Variants in GPR155 observed in about 807,000 individuals in gnomAD.
The protein encoded by GPR155 is G protein-coupled receptor 155.
In GPR155, 65 loss-of-function variants were observed where a neutral mutation model predicts 93.1. The observed-to-expected ratio is 0.70, with a 90% confidence interval of 0.57 to 0.86. The LOEUF (loss-of-function observed/expected upper bound fraction) is 0.86. Ranked by LOEUF, GPR155 falls within the 40% of genes least tolerant of loss-of-function variation. The pLI is 0.00. For synonymous variants in GPR155, 319 were observed against 360.1 expected (o/e 0.89, Z 1.29); for missense variants, 838 against 1,034.8 (o/e 0.81, Z 2.61).
chr2:174,463,118 T>C (rs1317253641), intron 7 of GPR155, among the ~76,000 whole-genome samples: 2 of 70,920 alleles, frequency 2.8e-5, no homozygotes, highest in East Asian at 5.0e-4. Flanking sequence ...AGTCTTTTTT[T>C]TTTCTTTCTT....
intron 10 of GPR155, among the ~76,000 whole-genome samples, chr2:174,457,446 A>G (rs1392494179): frequency 6.6e-6 from 1 of 152,206 alleles, no homozygotes; most frequent in Non-Finnish European, 1.5e-5. Flanking sequence ...GCTTAGGCAA[A>G]TACTGAAGTC....
rs1553519258 is a variant in GPR155 at position 174,481,897 on chromosome 2, CAA to C, written c.58_59del (p.Leu20AlafsTer9). ...TAAATCCATGCGTTACTGCTGTAGG[CAA>C]AGTCTTGGTCATATTGACTGCAATG... ...LTIAVNMTKT[L>X]PTAVTHGFNS... On this transcript the variant is annotated frameshift_variant, in exon 2 of 16. Transcript: ENST00000392552. LOFTEE classifies it high-confidence loss of function. 2 of 1,613,936 alleles carry C rather than the reference CAA, an allele frequency of 1.2e-6. No individual in the cohort carries two copies. The highest frequency in any genetic ancestry group is 1.7e-6 in the Non-Finnish European group (2 of 1,179,996).
rs766053271 is a variant in GPR155 at position 174,473,003 on chromosome 2, C to T, written c.822G>A (p.Ser274=). The stretch of plus-strand genomic sequence containing the variant: ...TGAGAAGAATTAGTACTACAAATGC[C>T]GACTTCTTCAGTCTCTTTATTTTTC... ...MVGKIKRLKK[S]AFVVLILLIT... The change falls in exon 3 of 16, where the codon TCG becomes TCA. Residue 274 remains serine, a synonymous_variant. Transcript: ENST00000392552. 10 of 1,592,580 alleles carry T rather than the reference C, an allele frequency of 6.3e-6. No individual in the cohort carries two copies. Among genetic ancestry groups the T allele is most frequent in the African/African-American group, 2.7e-5 (2 of 73,204 alleles).
chr2:174,461,345 A>C (rs1175105467), intron 9 of GPR155, 57 bp downstream of exon 9: 2 of 1,013,840 alleles, frequency 2.0e-6, no homozygotes, highest in Non-Finnish European at 3.1e-6. Flanking sequence ...AGCAAGGCAC[A>C]TAACGAGCTA....
intron 7 of GPR155, among the ~76,000 whole-genome samples, chr2:174,465,521 G>A (rs982611658): frequency 2.0e-5 from 3 of 152,148 alleles, no homozygotes; most frequent in African/African-American, 2.4e-5. Context: ...CCAAAAGGGA[G>A]CAGCACTGAC....
intron 11 of GPR155, among the ~76,000 whole-genome samples, chr2:174,447,349 A>G (rs931359560): frequency 1.4e-5 from 2 of 147,224 alleles, no homozygotes; most frequent in South Asian, 2.1e-4. Flanking sequence ...AAAAAATTAT[A>G]TATAATTTTT....
chr2:174,472,696 TGAG>T (rs771827162), intron 3 of GPR155, among the ~76,000 whole-genome samples: 1 of 152,186 alleles, frequency 6.6e-6, no homozygotes, highest in Non-Finnish European at 1.5e-5. Context: ...AACTGGGACA[TGAG>T]GAGATACTGA....
intron 15 of GPR155, among the ~76,000 whole-genome samples, chr2:174,438,566 G>C (rs373585816): frequency 1.3e-5 from 2 of 151,924 alleles, no homozygotes; most frequent in Non-Finnish European, 1.5e-5. Context: ...AGAGTGCAGT[G>C]GCGTGATCTC....
chr2:174,465,061 T>A (rs1384325424), intron 7 of GPR155, among the ~76,000 whole-genome samples: 3 of 152,224 alleles, frequency 2.0e-5, no homozygotes, highest in Non-Finnish European at 4.4e-5. Context: ...CATACCAGAA[T>A]GCATGCATCC....
chr2:174,480,746 T>A (rs1005576870), intron 2 of GPR155, among the ~76,000 whole-genome samples: 5 of 152,008 alleles, frequency 3.3e-5, no homozygotes, highest in Admixed American at 2.0e-4. Context: ...TACATTAAAA[T>A]TTTGAATAAC....
At chr2:174,482,036 A>T in intron 1 of GPR155, 49 bp from the exon 2 acceptor site, 2 of 927,964 alleles carry the variant, frequency 2.2e-6, no homozygotes, top group Non-Finnish European at 3.3e-6. Flanking sequence ...CAAGAATTCT[A>T]GTTGAAATAA....
At chr2:174,463,131 T>C (rs914156830) in intron 7 of GPR155, among the ~76,000 whole-genome samples, 94 of 152,086 alleles carry the variant, frequency 6.2e-4, no homozygotes, top group Admixed American at 9.2e-4. Flanking sequence ...TCTTTCTTTT[T>C]TTTTTTTCAG....
chr2:174,482,046 A>G (rs1688341271), intron 1 of GPR155, 59 bp from the exon 2 acceptor site: 1 of 827,902 alleles, frequency 1.2e-6, no homozygotes. Context: ...AGTTGAAATA[A>G]TACACTGGCA....
At position 174,479,089 on chromosome 2, in the gene GPR155, T is replaced by G. The variant is rs1047541130; in HGVS notation, c.460+2408A>C. 2.0e-4 allele frequency among the ~76,000 whole-genome samples: 31 copies of G among 152,180 alleles called. 1 individual carries two copies. Among genetic ancestry groups the G allele is most frequent in the African/African-American group, 6.5e-4 (27 of 41,442 alleles). On this transcript the variant is annotated intron_variant, in intron 2 of 15. Transcript: ENST00000392552. ...AAAACAAAAACATAAAAACAAAAAT[T>G]ATACCTCGAAATCAACAAACAACCA...
intron 10 of GPR155, among the ~76,000 whole-genome samples, chr2:174,456,860 ATTG>A (rs936564102): frequency 6.6e-6 from 1 of 152,238 alleles, no homozygotes; most frequent in Non-Finnish European, 1.5e-5. Flanking sequence ...AATACTATAT[ATTG>A]TTGATGGAAA....
chr2:174,473,170 T>C lies in GPR155; in HGVS notation c.655A>G (p.Ile219Val), dbSNP rs199560893. 65 of 1,613,218 alleles carry C rather than the reference T, an allele frequency of 4.0e-5. No individual in the cohort carries two copies. The highest frequency in any genetic ancestry group is 3.3e-4 in the Middle Eastern group (2 of 6,060). Residue 219 changes from isoleucine to valine, a missense_variant, in exon 3 of 16, where the codon ATA (isoleucine) becomes GTA (valine). Coordinates refer to ENST00000392552, the MANE Select transcript of GPR155 (RefSeq NM_152529.7). ...ATGCCAATGAAGACCATAAATACTATTGGGTTCTGTAATACACGCAGGAGT... is the reference window on the plus strand; with the variant it reads ...ATGCCAATGAAGACCATAAATACTACTGGGTTCTGTAATACACGCAGGAGT... Reference protein sequence around the residue: ...LGLLRVLQNPIVFMVFIGIAF... With the variant: ...LGLLRVLQNPVVFMVFIGIAF...
intron 12 of GPR155, 29 bp downstream of exon 12, chr2:174,446,582 C>T: frequency 6.3e-7 from 1 of 1,582,678 alleles, no homozygotes; most frequent in South Asian, 1.2e-5. Context: ...AAGAAATGGC[C>T]CCAAAACAAA....
At chr2:174,446,949 T>C (rs1687150806) in intron 11 of GPR155, among the ~76,000 whole-genome samples, 1 of 152,198 alleles carries the variant, frequency 6.6e-6, no homozygotes, top group East Asian at 1.9e-4. Flanking sequence ...TCAAAAAACA[T>C]AAGTAGAATA....
At position 174,449,873 on chromosome 2, in the gene GPR155, G is replaced by C. The variant is rs1343548472; in HGVS notation, c.1877-3126C>G. Among the ~76,000 whole-genome samples, 5 of 152,200 alleles carry C rather than the reference G, an allele frequency of 3.3e-5. No homozygotes were observed. In the East Asian group the frequency reaches 9.6e-4, roughly 29 times the overall value. ...TGCCTGTAGTCCCAGCTACTCGGGA[G>C]GCTGAGACAGGAGAATTGCTTGAAC... is the stretch of plus-strand genomic sequence containing the variant. On this transcript the variant is annotated intron_variant, in intron 11 of 15. Transcript: ENST00000392552.
Sources: allele counts gnomAD v4.1 joint callset (sites outside exome capture counted in the v4.1 genomes callset), GRCh38; gene constraint gnomAD v4.1.1; transcripts MANE v1.5; gene names NCBI Gene and HGNC (gene_info 2026-07-23, HGNC 2026-07-21).